PPARG: variants seen among roughly 807,000 people sequenced by gnomAD.
PPARG encodes peroxisome proliferator-activated receptor gamma.
In PPARG, 17 loss-of-function variants were observed where a neutral mutation model predicts 39.2. The observed-to-expected ratio is 0.43, with a 90% CI of 0.30 to 0.65. The LOEUF (loss-of-function observed/expected upper bound fraction) is 0.65, where lower values mean the gene tolerates loss of function less well. Ranked by LOEUF, PPARG falls within the 30% of genes least tolerant of loss-of-function variation. The probability of loss-of-function intolerance (pLI) is 0.13; values close to 1 mark genes in which losing one functional copy is unlikely to be tolerated. For synonymous variants in PPARG, 223 were observed against 215.7 expected (o/e 1.03, Z -0.30); for missense variants, 406 against 585.9 (o/e 0.69, Z 3.17).
At chr3:12,352,763 C>T (rs181662286) in intron 2 of PPARG, among the ~76,000 whole-genome samples, 1 of 152,188 alleles carries the variant, frequency 6.6e-6, no homozygotes, top group East Asian at 1.9e-4. Flanking sequence ...AAAATGTTTC[C>T]TGAAGTACTG....
In PPARG at chr3:12,328,300, C is replaced by T. The variant is rs9814788; in HGVS notation, c.-9+15847C>T. 4.3e-3 allele frequency: 4,963 copies of T among 1,159,104 alleles called. 165 individuals are homozygous for T. In the African/African-American group the frequency reaches 0.067, roughly 16 times the overall value. 71.8% of individuals were successfully genotyped at this position (1,159,104 alleles called of 1,614,324 possible). ...TAGGGAGCCTCTCTGGGAAGCTCTTCCTCCTGCCCCTCTCATTCCTGGTGG... is the reference window on the plus strand; with the variant it reads ...TAGGGAGCCTCTCTGGGAAGCTCTTTCTCCTGCCCCTCTCATTCCTGGTGG... On this transcript the variant is annotated intron_variant, in intron 2 of 7. Coordinates refer to ENST00000651735, the MANE Select transcript of PPARG (RefSeq NM_138711.6).
rs191033738 is a variant in PPARG at position 12,293,723 on chromosome 3, A to T, written c.-83+4589A>T. Among the ~76,000 whole-genome samples, 3 of 152,268 alleles carry T rather than the reference A, an allele frequency of 2.0e-5. No homozygotes were observed. The East Asian group carries it at 5.8e-4, about 29-fold the overall frequency. On this transcript the variant is annotated intron_variant, in intron 1 of 7. Transcript: ENST00000651735. ...ATTCTTTCTGGCTCTATACTAAAGG[A>T]GATAATTTGGGCAAGGGAATGGAAA...
At chr3:12,387,403 GA>G (rs2049916898) in intron 4 of PPARG, among the ~76,000 whole-genome samples, 1 of 152,026 alleles carries the variant, frequency 6.6e-6, no homozygotes, top group Non-Finnish European at 1.5e-5. Context: ...ACTTTTTAAT[GA>G]TCATCATTCT....
intron 2 of PPARG, among the ~76,000 whole-genome samples, chr3:12,348,707 T>G (rs1320805998): frequency 1.3e-5 from 2 of 152,128 alleles, no homozygotes; most frequent in Admixed American, 6.6e-5. Context: ...CTTTTACCAC[T>G]CCTCCTCACT....
intron 1 of PPARG, chr3:12,301,873 C>T (rs1337412551): frequency 6.6e-6 from 1 of 152,196 alleles, no homozygotes; most frequent in Admixed American, 6.5e-5. Context: ...TCTTATTCAT[C>T]ATCTAGACTT....
chr3:12,293,992 A>G (rs1275830886), intron 1 of PPARG, among the ~76,000 whole-genome samples: 2 of 152,224 alleles, frequency 1.3e-5, no homozygotes, highest in East Asian at 1.9e-4. Flanking sequence ...TTAAAATGCC[A>G]AAGTTCCTGG....
chr3:12,350,659 T>G (rs2048456394), intron 2 of PPARG, among the ~76,000 whole-genome samples: 1 of 152,214 alleles, frequency 6.6e-6, no homozygotes, highest in Non-Finnish European at 1.5e-5. Flanking sequence ...TTTTCCTGAT[T>G]ACAAAACTGA....
intron 1 of PPARG, among the ~76,000 whole-genome samples, chr3:12,311,441 C>T (rs541037587): frequency 6.6e-6 from 1 of 152,236 alleles, no homozygotes; most frequent in Non-Finnish European, 1.5e-5. Flanking sequence ...AGGCAAAATA[C>T]GTTGGCTATA....
chr3:12,404,454 C>A (rs1368651116), intron 5 of PPARG, among the ~76,000 whole-genome samples: 1 of 152,172 alleles, frequency 6.6e-6, no homozygotes, highest in Admixed American at 6.5e-5. Context: ...GGAAAGTTGT[C>A]GTGTGCTGTC....
chr3:12,362,035 A>T (rs2048862502), intron 2 of PPARG, among the ~76,000 whole-genome samples: 1 of 152,192 alleles, frequency 6.6e-6, no homozygotes, highest in South Asian at 2.1e-4. Context: ...GATCTTACAC[A>T]TATTTTGTTA....
intron 1 of PPARG, among the ~76,000 whole-genome samples, chr3:12,290,480 A>G (rs1212906857): frequency 6.6e-6 from 1 of 152,112 alleles, no homozygotes; most frequent in Non-Finnish European, 1.5e-5. Flanking sequence ...TTGAAGGACT[A>G]GTTTCCTAAA....
At chr3:12,303,840 G>C (rs1431595489) in intron 1 of PPARG, among the ~76,000 whole-genome samples, 1 of 152,202 alleles carries the variant, frequency 6.6e-6, no homozygotes, top group Non-Finnish European at 1.5e-5. Context: ...ATCAGGTCTT[G>C]TGTAACTAAG....
intron 2 of PPARG, among the ~76,000 whole-genome samples, chr3:12,323,686 G>C (rs941380357): frequency 6.6e-6 from 1 of 151,852 alleles, no homozygotes; most frequent in African/African-American, 2.4e-5. Context: ...ACTGAGATCT[G>C]TCTGTCTAAC....
At chr3:12,300,774 T>A (rs1006279227) in intron 1 of PPARG, among the ~76,000 whole-genome samples, 1 of 152,174 alleles carries the variant, frequency 6.6e-6, no homozygotes, top group Non-Finnish European at 1.5e-5. Context: ...CATGGGAAAA[T>A]TCCATGTACC....
At chr3:12,414,180 A>G (rs1438713941) in intron 6 of PPARG, among the ~76,000 whole-genome samples, 1 of 152,230 alleles carries the variant, frequency 6.6e-6, no homozygotes, top group Non-Finnish European at 1.5e-5. Flanking sequence ...AGAAGCTCTG[A>G]AAGTTGAAGT....
intron 2 of PPARG, among the ~76,000 whole-genome samples, chr3:12,352,511 C>G (rs1223082264): frequency 6.6e-6 from 1 of 152,038 alleles, no homozygotes; most frequent in Non-Finnish European, 1.5e-5. Flanking sequence ...TTTGTATTGT[C>G]TCGTATTGAT....
intron 7 of PPARG, among the ~76,000 whole-genome samples, chr3:12,428,208 C>A: frequency 6.6e-6 from 1 of 152,326 alleles, no homozygotes; most frequent in East Asian, 1.9e-4. Flanking sequence ...TTAACAGTAC[C>A]AGATCTGGAC....
Position 12,374,035 on chromosome 3 carries a change from TG to T in PPARG, c.-8-5666del, listed in dbSNP as rs1009398424. On this transcript the variant is annotated intron_variant, in intron 2 of 7. Transcript: ENST00000651735. ...GCCCAGCCACCAGATATGCCAAGAA[TG>T]GGAGCGAGGTCTGGGATAACCAGTG... Among the ~76,000 whole-genome samples the T allele has an allele frequency of 4.6e-5, 7 of 152,158 alleles. No individual in the cohort carries two copies. In the East Asian group the frequency reaches 9.7e-4, roughly 21 times the overall value.
chr3:12,408,794 A>G (rs2050772879), intron 6 of PPARG, among the ~76,000 whole-genome samples: 1 of 151,720 alleles, frequency 6.6e-6, no homozygotes, highest in East Asian at 1.9e-4. Flanking sequence ...TCCTTATTAG[A>G]AATCCTGTCA....
Sources: allele counts gnomAD v4.1 joint callset (sites outside exome capture counted in the v4.1 genomes callset), GRCh38; gene constraint gnomAD v4.1.1; transcripts MANE v1.5; gene names NCBI Gene and HGNC (gene_info 2026-07-23, HGNC 2026-07-21).